Variants in ANKIB1 observed in about 807,000 individuals in gnomAD.
ANKIB1 encodes ankyrin repeat and IBR domain-containing protein 1.
Under a neutral mutation model 122.1 loss-of-function variants are expected in ANKIB1, and 43 were observed. The observed-to-expected ratio is 0.35, with a 90% CI of 0.28 to 0.45. The LOEUF is 0.45. ANKIB1 is among the 20% of genes least tolerant of loss of function. The pLI is 1.00. For missense variants in ANKIB1, 992 were observed against 1,329.5 expected (o/e 0.75, Z 3.95); for synonymous variants, 390 against 442.0 (o/e 0.88, Z 1.48).
At chr7:92,357,708 C>T (rs1160419959) in intron 9 of ANKIB1, among the ~76,000 whole-genome samples, 2 of 144,288 alleles carry the variant, frequency 1.4e-5, no homozygotes, top group Non-Finnish European at 3.0e-5. Flanking sequence ...GCACTCCAGC[C>T]TGGGTGCCAG....
chr7:92,384,486 T>C (rs886295108), intron 11 of ANKIB1, among the ~76,000 whole-genome samples: 9 of 152,100 alleles, frequency 5.9e-5, no homozygotes, highest in African/African-American at 1.7e-4. Context: ...CTTCAAACTA[T>C]AGTACAAGGC....
intron 11 of ANKIB1, among the ~76,000 whole-genome samples, chr7:92,381,008 A>T (rs757755622): frequency 1.3e-5 from 2 of 152,216 alleles, no homozygotes; most frequent in Non-Finnish European, 2.9e-5. Flanking sequence ...AAAAACCTTG[A>T]AAAAAGATTA....
intron 5 of ANKIB1, among the ~76,000 whole-genome samples, chr7:92,341,472 C>T (rs546878383): frequency 6.6e-6 from 1 of 150,394 alleles, no homozygotes; most frequent in South Asian, 2.1e-4. Context: ...TGCACTGATG[C>T]AGATTGCAAC....
At position 92,351,035 on chromosome 7, in the gene ANKIB1, A is replaced by G. The variant is rs764975512; in HGVS notation, c.1171A>G (p.Ile391Val). 1 of 1,598,862 alleles carries G rather than the reference A, an allele frequency of 6.3e-7. No individual in the cohort carries two copies. The highest frequency in any genetic ancestry group is 8.5e-7 in the Non-Finnish European group (1 of 1,171,824). ...YDCFQLVPVD[I>V]IESVVSKEMD... ...TTGCTTCCAACTTGTACCTGTGGAT[A>G]TCATAGAAAGTGTAGTTTCAAAGGA... The change falls in exon 8 of 20, where the codon ATC (isoleucine) becomes GTC (valine). Residue 391 changes from isoleucine to valine, a missense_variant. By Grantham distance (29) the Ile-to-Val change is conservative. Transcript: ENST00000265742.
intron 5 of ANKIB1, among the ~76,000 whole-genome samples, chr7:92,339,821 C>T (rs1337619019): frequency 6.7e-6 from 1 of 150,350 alleles, no homozygotes; most frequent in East Asian, 2.0e-4. Flanking sequence ...TTTTTTCTTG[C>T]AGTTTATAGG....
intron 1 of ANKIB1, among the ~76,000 whole-genome samples, chr7:92,262,975 A>G (rs931629287): frequency 1.3e-5 from 2 of 152,156 alleles, no homozygotes; most frequent in Non-Finnish European, 2.9e-5. Context: ...AAAAAGACTT[A>G]AAAACTTTAA....
intron 10 of ANKIB1, among the ~76,000 whole-genome samples, chr7:92,370,450 G>A (rs1410630591): frequency 7.1e-6 from 1 of 141,734 alleles, no homozygotes; most frequent in Admixed American, 7.4e-5. Flanking sequence ...GGAGCTTGCA[G>A]TGAGCCGAGA....
At chr7:92,251,293 T>C (rs766094723) in intron 1 of ANKIB1, among the ~76,000 whole-genome samples, 4 of 152,228 alleles carry the variant, frequency 2.6e-5, no homozygotes, top group Non-Finnish European at 5.9e-5. Flanking sequence ...GGAGAGTTCA[T>C]TGAGATGCTC....
intron 8 of ANKIB1, among the ~76,000 whole-genome samples, chr7:92,352,195 A>G (rs1156642468): frequency 6.6e-6 from 1 of 152,218 alleles, no homozygotes. Flanking sequence ...CTGTGCAAAC[A>G]ATTACATTTT....
chr7:92,268,122 A>G lies in ANKIB1; in HGVS notation c.-91+21603A>G, dbSNP rs79736274. The stretch of plus-strand genomic sequence containing the variant: ...AGCTAAAGATGGGTCCTGAGAAGAT[A>G]CGTCAAGAAGGAAAGGGTTTCTTTG... On this transcript the variant is annotated intron_variant, in intron 1 of 19. Transcript: ENST00000265742. Among the ~76,000 whole-genome samples the G allele has an allele frequency of 2.9e-3, 441 of 152,288 alleles. 4 individuals carry two copies. Among genetic ancestry groups the G allele is most frequent in the African/African-American group, 0.01 (419 of 41,546 alleles).
chr7:92,385,207 G>C (rs550687168), intron 11 of ANKIB1, among the ~76,000 whole-genome samples: 42 of 152,108 alleles, frequency 2.8e-4, no homozygotes, highest in Non-Finnish European at 5.1e-4. Context: ...TTAGAATGGC[G>C]ATCATTAAAA....
At chr7:92,267,263 T>C (rs774143531) in intron 1 of ANKIB1, among the ~76,000 whole-genome samples, 3 of 152,172 alleles carry the variant, frequency 2.0e-5, no homozygotes, top group Non-Finnish European at 4.4e-5. Context: ...CATAAAAACT[T>C]ACAAATCAAG....
At chr7:92,393,934 A>G (rs577642177) in intron 17 of ANKIB1, among the ~76,000 whole-genome samples, 1 of 152,302 alleles carries the variant, frequency 6.6e-6, no homozygotes, top group South Asian at 2.1e-4. Context: ...CAACTCCAGT[A>G]GACTTAGATT....
chr7:92,323,153 T>C (rs1562781978), intron 4 of ANKIB1, among the ~76,000 whole-genome samples: 1 of 152,196 alleles, frequency 6.6e-6, no homozygotes, highest in Non-Finnish European at 1.5e-5. Context: ...AGAAATTGAT[T>C]TGATGGGCCA....
chr7:92,359,911 A>G (rs752746064), intron 9 of ANKIB1, among the ~76,000 whole-genome samples: 2 of 152,108 alleles, frequency 1.3e-5, no homozygotes, highest in Non-Finnish European at 2.9e-5. Flanking sequence ...GCTCACTTCC[A>G]TATTTTAATC....
intron 1 of ANKIB1, among the ~76,000 whole-genome samples, chr7:92,264,161 G>C (rs565010965): frequency 7.3e-6 from 1 of 136,802 alleles, no homozygotes; most frequent in Admixed American, 7.3e-5. Flanking sequence ...TTTCGTCGTC[G>C]TTTTTTTTTT....
rs557648356 is a variant in ANKIB1, at chr7:92,393,785, C to T, written c.2283+1493C>T. On this transcript the variant is annotated intron_variant, in intron 17 of 19. Coordinates refer to ENST00000265742, the MANE Select transcript of ANKIB1 (RefSeq NM_019004.2). Reference sequence around the variant, plus strand: ...TTGAAACACTAGGCTTTTACGTAAACCTTATTGCAGATATAAAGAATTACT... The same window carrying T: ...TTGAAACACTAGGCTTTTACGTAAATCTTATTGCAGATATAAAGAATTACT... Among the ~76,000 whole-genome samples the T allele has an allele frequency of 4.5e-4, 69 of 152,172 alleles. 2 individuals are homozygous for T. The South Asian group carries it at 0.012, about 27-fold the overall frequency.
chr7:92,319,465 G>A lies in ANKIB1; in HGVS notation c.622G>A (p.Glu208Lys), dbSNP rs771519055. ...ESQMVFSRDP[E>K]AEEIEAEYAA... The stretch of plus-strand genomic sequence containing the variant: ...TCAAATGGTATTCTCACGGGATCCC[G>A]AGGCTGAAGAAATAGAAGCTGAATA... Residue 208 changes from glutamate (E) to lysine (K), a missense_variant, in exon 4 of 20, where the codon GAG (glutamate) becomes AAG (lysine). Glu to Lys is a moderately conservative substitution (Grantham distance 56, BLOSUM62 1). Coordinates refer to ENST00000265742, the MANE Select transcript of ANKIB1 (RefSeq NM_019004.2). The A allele has an allele frequency of 3.1e-6, 5 of 1,612,952 alleles. No individual in the cohort carries two copies. Among genetic ancestry groups the A allele is most frequent in the Admixed American group, 1.7e-5 (1 of 59,798 alleles).
At position 92,397,796 on chromosome 7, in the gene ANKIB1, G is replaced by A. The variant is rs764729703; in HGVS notation, c.2469G>A (p.Leu823=). ...SVVSSASMSV[L]HSSSLRDYTP... is the part of the protein sequence containing the mutation. ...TAAGTTCTGCATCTATGAGTGTGCT[G>A]CACAGCTCTTCCCTGCGTGACTACA... The change falls in exon 19 of 20, where the codon CTG becomes CTA. Residue 823 remains leucine, a synonymous_variant. Transcript: ENST00000265742. 9.3e-6 allele frequency: 15 copies of A among 1,606,986 alleles called. No individual in the cohort carries two copies. The highest frequency in any genetic ancestry group is 1.1e-5 in the Non-Finnish European group (13 of 1,178,130).
Sources: allele counts gnomAD v4.1 joint callset (sites outside exome capture counted in the v4.1 genomes callset), GRCh38; gene constraint gnomAD v4.1.1; transcripts MANE v1.5; gene names NCBI Gene and HGNC (gene_info 2026-07-23, HGNC 2026-07-21).